SLC35F1: variants seen among roughly 807,000 people sequenced by gnomAD.
The protein encoded by SLC35F1 is chromosome 6 open reading frame 169.
Under a neutral mutation model 48.7 loss-of-function variants are expected in SLC35F1, and 14 were observed. That is an observed-to-expected ratio of 0.29 (90% CI 0.19 to 0.45). The LOEUF (loss-of-function observed/expected upper bound fraction) is 0.45. SLC35F1 is among the 20% of genes least tolerant of loss of function. The pLI, the probability that SLC35F1 is intolerant of heterozygous loss-of-function variation, is 1.00. For missense variants in SLC35F1, 404 were observed against 500.0 expected (o/e 0.81, Z 1.83); for synonymous variants, 190 against 202.2 (o/e 0.94, Z 0.51).
intron 1 of SLC35F1, among the ~76,000 whole-genome samples, chr6:117,912,414 T>G (rs576722836): frequency 2.0e-5 from 3 of 152,272 alleles, no homozygotes; most frequent in African/African-American, 4.8e-5. Flanking sequence ...TTAAATAAGG[T>G]GGACAGAACA....
chr6:118,248,500 A>G (rs1430325879), intron 3 of SLC35F1, among the ~76,000 whole-genome samples: 1 of 152,208 alleles, frequency 6.6e-6, no homozygotes, highest in Non-Finnish European at 1.5e-5. Flanking sequence ...AGGGAGATGT[A>G]ACATTAGAAG....
intron 1 of SLC35F1, among the ~76,000 whole-genome samples, chr6:117,987,182 A>G (rs1436449050): frequency 6.6e-6 from 1 of 152,072 alleles, no homozygotes; most frequent in Non-Finnish European, 1.5e-5. Flanking sequence ...CTTCGGCCCT[A>G]TCCACTCATC....
At chr6:118,053,975 A>G (rs560772453) in intron 1 of SLC35F1, among the ~76,000 whole-genome samples, 1 of 152,288 alleles carries the variant, frequency 6.6e-6, no homozygotes, top group African/African-American at 2.4e-5. Flanking sequence ...GATAGCACTG[A>G]AATTTTCCGT....
intron 1 of SLC35F1, among the ~76,000 whole-genome samples, chr6:118,001,509 C>A (rs77596780): frequency 3.3e-5 from 5 of 151,606 alleles, no homozygotes; most frequent in African/African-American, 4.9e-5. Flanking sequence ...AGAAGAAAAC[C>A]CAGGCATTAC....
chr6:118,078,435 A>T (rs1772854301), intron 1 of SLC35F1, among the ~76,000 whole-genome samples: 1 of 152,240 alleles, frequency 6.6e-6, no homozygotes, highest in South Asian at 2.1e-4. Context: ...AGGGGAAAAA[A>T]TTGCAATATA....
chr6:118,099,412 G>A (rs779886111), intron 1 of SLC35F1, among the ~76,000 whole-genome samples: 10 of 152,058 alleles, frequency 6.6e-5, no homozygotes, highest in Non-Finnish European at 1.5e-4. Context: ...ATATAACCAG[G>A]AGATGGTTTG....
chr6:118,302,584 A>C (rs773892127), intron 7 of SLC35F1, among the ~76,000 whole-genome samples: 3 of 152,200 alleles, frequency 2.0e-5, no homozygotes, highest in Non-Finnish European at 2.9e-5. Flanking sequence ...TGGTTCATGA[A>C]TGTCAAACTT....
At chr6:117,951,819 T>C (rs1405158103) in intron 1 of SLC35F1, among the ~76,000 whole-genome samples, 3 of 152,084 alleles carry the variant, frequency 2.0e-5, no homozygotes, top group African/African-American at 7.2e-5. Context: ...ATGGTGCAAG[T>C]AGAGTGGGTG....
intron 7 of SLC35F1, among the ~76,000 whole-genome samples, chr6:118,297,662 A>ATATTTATAT (rs1450965614): frequency 7.2e-6 from 1 of 139,698 alleles, no homozygotes; most frequent in Admixed American, 7.2e-5. Context: ...TAATATATAT[A>ATATTTATAT]ATATTATATA....
At position 118,095,271 on chromosome 6, in the gene SLC35F1, GCT is replaced by G. The variant is rs1419362158; in HGVS notation, c.174-59171_174-59170del. ...ATGCAGAACATTAGTCTTAGTTTGT[GCT>G]CTTTGTTCCAAACAGGTGCCAGCAT... is the stretch of plus-strand genomic sequence containing the variant. On this transcript the variant is annotated intron_variant, in intron 1 of 7. Transcript: ENST00000360388. Among the ~76,000 whole-genome samples, 85 of 152,322 alleles carry G rather than the reference GCT, an allele frequency of 5.6e-4. 2 individuals are homozygous for G. The highest frequency in any genetic ancestry group is 5.9e-5 in the Non-Finnish European group (4 of 68,034).
chr6:118,074,185 C>A (rs1256574321), intron 1 of SLC35F1, among the ~76,000 whole-genome samples: 2 of 152,190 alleles, frequency 1.3e-5, no homozygotes, highest in Non-Finnish European at 2.9e-5. Context: ...CCCTTCTAGT[C>A]CCTGAAATGT....
intron 1 of SLC35F1, among the ~76,000 whole-genome samples, chr6:117,966,397 G>A (rs1255691999): frequency 6.6e-6 from 1 of 151,698 alleles, no homozygotes; most frequent in Non-Finnish European, 1.5e-5. Context: ...TCGCCGCGAA[G>A]ATCTGCAGCT....
chr6:118,125,861 G>T (rs1301004119), intron 1 of SLC35F1, among the ~76,000 whole-genome samples: 1 of 152,210 alleles, frequency 6.6e-6, no homozygotes, highest in South Asian at 2.1e-4. Context: ...CTCAGGGATG[G>T]AGGAGGGCAA....
At chr6:118,076,092 A>G (rs1277925208) in intron 1 of SLC35F1, among the ~76,000 whole-genome samples, 6 of 152,136 alleles carry the variant, frequency 3.9e-5, no homozygotes, top group Admixed American at 3.9e-4. Flanking sequence ...ATCTAGTCTG[A>G]TAATTGCTCG....
At chr6:117,961,477 C>T (rs1377232365) in intron 1 of SLC35F1, among the ~76,000 whole-genome samples, 1 of 152,172 alleles carries the variant, frequency 6.6e-6, no homozygotes, top group African/African-American at 2.4e-5. Flanking sequence ...CAGCCTGAAG[C>T]TCTGGAGTTG....
At position 118,252,198 on chromosome 6, in the gene SLC35F1, G is replaced by C. The variant is rs371037908; in HGVS notation, c.478-14797G>C. ...GTATTTTTAGATCGTCATTGCTGCT[G>C]GTGGAGTATTGACCTTTAAGGAGTA... On this transcript the variant is annotated intron_variant, in intron 3 of 7. Transcript: ENST00000360388. 2.0e-5 allele frequency among the ~76,000 whole-genome samples: 3 copies of C among 152,112 alleles called. No homozygotes were observed. The East Asian group carries it at 5.8e-4, about 30-fold the overall frequency.
At chr6:118,155,458 C>T (rs995564432) in intron 2 of SLC35F1, among the ~76,000 whole-genome samples, 5 of 152,124 alleles carry the variant, frequency 3.3e-5, no homozygotes, top group African/African-American at 7.2e-5. Flanking sequence ...GGGTTTGGTC[C>T]CCCTCTTGCC....
At chr6:118,138,212 G>T (rs191998624) in intron 1 of SLC35F1, among the ~76,000 whole-genome samples, 1 of 152,034 alleles carries the variant, frequency 6.6e-6, no homozygotes, top group Non-Finnish European at 1.5e-5. Flanking sequence ...AAGAGGCTGA[G>T]GTGGAGGATC....
intron 1 of SLC35F1, among the ~76,000 whole-genome samples, chr6:118,102,336 G>A (rs576257739): frequency 2.3e-4 from 35 of 152,116 alleles, no homozygotes; most frequent in Non-Finnish European, 3.7e-4. Flanking sequence ...AGCATGCACC[G>A]CCACACCCAG....
Sources: allele counts gnomAD v4.1 joint callset (sites outside exome capture counted in the v4.1 genomes callset), GRCh38; gene constraint gnomAD v4.1.1; transcripts MANE v1.5; gene names NCBI Gene and HGNC (gene_info 2026-07-23, HGNC 2026-07-21).